Variants in RBFOX3 observed in about 807,000 individuals in gnomAD.
RBFOX3 encodes the protein RNA binding fox-1 homolog 3.
Under a neutral mutation model 48.7 loss-of-function variants are expected in RBFOX3, and 17 were observed. That is an observed-to-expected ratio of 0.35 (90% CI 0.24 to 0.52). RBFOX3 has a LOEUF of 0.52. Among genes scored for constraint, RBFOX3 ranks in the 20% least tolerant of loss-of-function variants. RBFOX3 has a pLI of 0.94. For missense variants in RBFOX3, 382 were observed against 497.5 expected, an observed-to-expected ratio of 0.77 and a Z score of 2.21; for synonymous variants, 212 against 209.5, an observed-to-expected ratio of 1.01 and a Z score of -0.10.
At chr17:79,595,695 A>G (rs975546134) in intron 1 of RBFOX3, among the ~76,000 whole-genome samples, 4 of 152,176 alleles carry the variant, frequency 2.6e-5, no homozygotes, top group African/African-American at 7.2e-5. Flanking sequence ...GCCAGCCGCC[A>G]AGTCACGAGG....
intron 4 of RBFOX3, among the ~76,000 whole-genome samples, chr17:79,209,708 C>A (rs566795137): frequency 6.6e-6 from 1 of 152,272 alleles, no homozygotes; most frequent in South Asian, 2.1e-4. Context: ...GAAAGGACGG[C>A]GCTGGCCGGG....
At chr17:79,215,929 G>A (rs1033729446) in intron 4 of RBFOX3, among the ~76,000 whole-genome samples, 1 of 152,260 alleles carries the variant, frequency 6.6e-6, no homozygotes, top group African/African-American at 2.4e-5. Flanking sequence ...TCGTCCTGAG[G>A]GTTCCTGAGT....
chr17:79,637,611 C>T, the RBFOX3 span, among the ~76,000 whole-genome samples: 1 of 151,596 alleles, frequency 6.6e-6, no homozygotes, highest in Admixed American at 6.6e-5. Flanking sequence ...AGGAGAATCA[C>T]TTGAACCCAG....
At chr17:79,449,622 A>AACACACACACACACACATACACAC (rs144341578) in intron 2 of RBFOX3, among the ~76,000 whole-genome samples, 1 of 144,494 alleles carries the variant, frequency 6.9e-6, no homozygotes, top group East Asian at 2.0e-4. Context: ...TGCACACATA[A>AACACACACACACACACATACACAC]ACACACACAC....
chr17:79,109,989 G>A (rs1048287484), intron 5 of RBFOX3, among the ~76,000 whole-genome samples: 13 of 152,248 alleles, frequency 8.5e-5, no homozygotes, highest in South Asian at 2.1e-4. Context: ...CTGTGAAACC[G>A]TCAGGTGTGC....
intron 3 of RBFOX3, among the ~76,000 whole-genome samples, chr17:79,296,613 G>C (rs1321638508): frequency 6.6e-6 from 1 of 151,904 alleles, no homozygotes; most frequent in Non-Finnish European, 1.5e-5. Context: ...CTCCAGCCTG[G>C]GAGGTTTGCT....
At chr17:79,142,904 C>T (rs1195156169) in intron 4 of RBFOX3, among the ~76,000 whole-genome samples, 1 of 152,132 alleles carries the variant, frequency 6.6e-6, no homozygotes, top group Non-Finnish European at 1.5e-5. Flanking sequence ...ACCCTGAAGA[C>T]CACGGCCTCC....
intron 1 of RBFOX3, among the ~76,000 whole-genome samples, chr17:79,566,186 CTA>C (rs2144376788): frequency 6.6e-6 from 1 of 152,250 alleles, no homozygotes; most frequent in Non-Finnish European, 1.5e-5. Flanking sequence ...AGACCTCCCT[CTA>C]TGTTTCTTCT....
chr17:79,387,365 G>A (rs758107215), intron 2 of RBFOX3, among the ~76,000 whole-genome samples: 2 of 152,218 alleles, frequency 1.3e-5, no homozygotes, highest in African/African-American at 2.4e-5. Flanking sequence ...ACTCACAGGC[G>A]TGAGTCAAAA....
At chr17:79,396,869 G>A (rs1191298597) in intron 2 of RBFOX3, among the ~76,000 whole-genome samples, 2 of 152,230 alleles carry the variant, frequency 1.3e-5, no homozygotes, top group African/African-American at 2.4e-5. Context: ...AGCTTCCAGC[G>A]CCTCCACCGG....
At chr17:79,620,047 G>GCACATGCACACATATGTACACGCA in the RBFOX3 span, among the ~76,000 whole-genome samples, 1 of 121,860 alleles carries the variant, frequency 8.2e-6, no homozygotes, top group East Asian at 2.4e-4. Flanking sequence ...ATGCACACAC[G>GCACATGCACACATATGTACACGCA]CACATGCACA....
At chr17:79,600,560 A>G (rs1366351460) in intron 1 of RBFOX3, 2 of 152,128 alleles carry the variant, frequency 1.3e-5, no homozygotes, top group Non-Finnish European at 2.9e-5. Flanking sequence ...TTAATTCCCT[A>G]CAGCACATGC....
chr17:79,272,211 G>T (rs116033691), intron 3 of RBFOX3, among the ~76,000 whole-genome samples: 1,621 of 152,268 alleles, frequency 0.011, 38 homozygotes, highest in African/African-American at 0.037. Flanking sequence ...CGTTGCTATT[G>T]GCAGCCACTG....
At chr17:79,523,024 C>T (rs2086329201) in intron 1 of RBFOX3, among the ~76,000 whole-genome samples, 2 of 150,916 alleles carry the variant, frequency 1.3e-5, no homozygotes, top group Non-Finnish European at 2.9e-5. Flanking sequence ...GTGAAATCAA[C>T]CAGGCAGAAA....
the RBFOX3 span, among the ~76,000 whole-genome samples, chr17:79,639,161 ATTTTTTT>A: frequency 5.9e-5 from 9 of 151,808 alleles, no homozygotes; most frequent in Non-Finnish European, 2.9e-5. Context: ...AATTTTATTT[ATTTTTTT>A]ATTTTTTATT....
intron 2 of RBFOX3, among the ~76,000 whole-genome samples, chr17:79,329,487 C>G (rs1159273719): frequency 6.6e-6 from 1 of 152,164 alleles, no homozygotes; most frequent in Non-Finnish European, 1.5e-5. Flanking sequence ...CGTGGCCACG[C>G]CATCAACCCA....
At chr17:79,622,434 G>A in the RBFOX3 span, among the ~76,000 whole-genome samples, 7 of 152,030 alleles carry the variant, frequency 4.6e-5, no homozygotes, top group African/African-American at 1.7e-4. Context: ...CCTCTCACAG[G>A]GCCAGACCAC....
the RBFOX3 span, among the ~76,000 whole-genome samples, chr17:79,665,405 G>A: frequency 6.6e-6 from 1 of 152,148 alleles, no homozygotes; most frequent in South Asian, 2.1e-4. Flanking sequence ...GAGCAGAGAG[G>A]AGGGGCCTGG....
chr17:79,464,510 A>G (rs2076060252), intron 2 of RBFOX3, among the ~76,000 whole-genome samples: 1 of 152,246 alleles, frequency 6.6e-6, no homozygotes, highest in Admixed American at 6.5e-5. Flanking sequence ...GACAGGCGAC[A>G]GATTCCCCCG....
Sources: allele counts gnomAD v4.1 joint callset (sites outside exome capture counted in the v4.1 genomes callset), GRCh38; gene constraint gnomAD v4.1.1; transcripts MANE v1.5; gene names NCBI Gene and HGNC (gene_info 2026-07-23, HGNC 2026-07-21).